FARS2: variants seen among roughly 807,000 people sequenced by gnomAD.
FARS2 encodes the protein phenylalanyl-tRNA synthetase 2, mitochondrial, also known as phenylalanine--tRNA ligase, mitochondrial.
Under a neutral mutation model 46.4 loss-of-function variants are expected in FARS2, and 40 were observed. The ratio of observed to expected loss-of-function variants is 0.86; its 90% CI spans 0.67 to 1.12. FARS2 has a LOEUF of 1.12. Ranked by LOEUF, FARS2 falls within the 50% of genes most tolerant of loss-of-function variation. FARS2 has a pLI of 0.00. For missense variants in FARS2, 513 were observed against 567.9 expected (o/e 0.90, Z 0.98); for synonymous variants, 234 against 214.9 (o/e 1.09, Z -0.78).
intron 4 of FARS2, among the ~76,000 whole-genome samples, chr6:5,460,800 T>TTAAG (rs1239007735): frequency 6.6e-6 from 1 of 152,156 alleles, no homozygotes; most frequent in Admixed American, 6.5e-5. Context: ...TTCTCAAGTC[T>TTAAG]TACTTGAGTA....
At chr6:5,636,352 C>A (rs1435096017) in intron 6 of FARS2, among the ~76,000 whole-genome samples, 1 of 152,202 alleles carries the variant, frequency 6.6e-6, no homozygotes, top group African/African-American at 2.4e-5. Flanking sequence ...ACCCAGCTCC[C>A]GGTGATTCCC....
intron 6 of FARS2, among the ~76,000 whole-genome samples, chr6:5,667,049 C>T (rs753624791): frequency 6.6e-5 from 10 of 151,862 alleles, no homozygotes; most frequent in African/African-American, 2.4e-4. Context: ...TGGGGCCTAT[C>T]GGAGGGTGGA....
chr6:5,743,817 CAA>C (rs1180283394), intron 6 of FARS2, among the ~76,000 whole-genome samples: 1 of 152,224 alleles, frequency 6.6e-6, no homozygotes, highest in Non-Finnish European at 1.5e-5. Context: ...AAGTTAAAAA[CAA>C]AGGTATTCTA....
intron 6 of FARS2, among the ~76,000 whole-genome samples, chr6:5,722,086 T>C (rs1485466652): frequency 6.6e-6 from 1 of 152,216 alleles, no homozygotes; most frequent in Non-Finnish European, 1.5e-5. Flanking sequence ...AAACAAATTG[T>C]TGTTTTTTTC....
At chr6:5,352,887 A>G (rs1757663621) in intron 1 of FARS2, among the ~76,000 whole-genome samples, 2 of 152,162 alleles carry the variant, frequency 1.3e-5, no homozygotes, top group Non-Finnish European at 2.9e-5. Flanking sequence ...CATTTCTGTC[A>G]TCTCACACAT....
chr6:5,521,954 T>C (rs1769166506), intron 4 of FARS2, among the ~76,000 whole-genome samples: 1 of 152,178 alleles, frequency 6.6e-6, no homozygotes, highest in African/African-American at 2.4e-5. Context: ...AAGGATAAAA[T>C]GTCATTGACC....
chr6:5,450,810 T>A (rs1430661762), intron 4 of FARS2, among the ~76,000 whole-genome samples: 2 of 151,976 alleles, frequency 1.3e-5, no homozygotes, highest in Non-Finnish European at 2.9e-5. Flanking sequence ...CTCCAGGGTT[T>A]CCCTCCTCCA....
chr6:5,303,868 T>C (rs1325829210), intron 1 of FARS2, among the ~76,000 whole-genome samples: 1 of 151,938 alleles, frequency 6.6e-6, no homozygotes, highest in Non-Finnish European at 1.5e-5. Context: ...TTGACTGGGG[T>C]TAGCAGATGG....
At position 5,428,912 on chromosome 6, in the gene FARS2, C is replaced by G. The variant is rs189701716; in HGVS notation, c.773-2129C>G. On this transcript the variant is annotated intron_variant, in intron 3 of 6. Transcript: ENST00000274680. ...GATCTCGGCAATAAAAAGGAATGAA[C>G]TATTGATAGGTGCAACAACACAGGT... 5.8e-4 allele frequency among the ~76,000 whole-genome samples: 88 copies of G among 152,136 alleles called. 1 individual carries two copies. Among genetic ancestry groups the G allele is most frequent in the African/African-American group, 2.0e-3 (85 of 41,504 alleles).
chr6:5,529,782 G>A (rs1769707354), intron 4 of FARS2, among the ~76,000 whole-genome samples: 1 of 152,110 alleles, frequency 6.6e-6, no homozygotes, highest in African/African-American at 2.4e-5. Flanking sequence ...TGGCCCATCA[G>A]GGGAGTAGCA....
chr6:5,710,829 A>G (rs1759099277), intron 6 of FARS2, among the ~76,000 whole-genome samples: 1 of 152,230 alleles, frequency 6.6e-6, no homozygotes, highest in Non-Finnish European at 1.5e-5. Flanking sequence ...AAGGACAGGC[A>G]GAAAAATCTC....
chr6:5,718,402 A>C (rs1348827483), intron 6 of FARS2, among the ~76,000 whole-genome samples: 1 of 152,234 alleles, frequency 6.6e-6, no homozygotes, highest in Non-Finnish European at 1.5e-5. Context: ...TAAATGAATC[A>C]GGTACTTGTT....
intron 1 of FARS2, among the ~76,000 whole-genome samples, chr6:5,358,326 T>C (rs1758068658): frequency 6.6e-6 from 1 of 152,170 alleles, no homozygotes; most frequent in African/African-American, 2.4e-5. Context: ...GTAAGATTAT[T>C]ATAAAATTCT....
chr6:5,729,357 A>G (rs1760479829), intron 6 of FARS2, among the ~76,000 whole-genome samples: 1 of 152,176 alleles, frequency 6.6e-6, no homozygotes. Context: ...TCCCACGGGC[A>G]CAGCAGAGGC....
chr6:5,717,931 T>TAGAGAGAGAGAGAG lies in FARS2; in HGVS notation c.1218-53359_1218-53358insGAGAGAGAGAGAGA, dbSNP rs1175182131. Among the ~76,000 whole-genome samples the TAGAGAGAGAGAGAG allele has an allele frequency of 5.9e-5, 7 of 118,518 alleles. 1 individual carries two copies. The highest frequency in any genetic ancestry group is 1.8e-4 in the African/African-American group (4 of 22,000). 77.8% of individuals were successfully genotyped at this position (118,518 alleles called of 152,430 possible). ...AGCTATATATATATATATATATATA[T>TAGAGAGAGAGAGAG]ATATACAGAGTCTCACTCTGTCGCC... On this transcript the variant is annotated intron_variant, in intron 6 of 6. Transcript: ENST00000274680.
chr6:5,608,740 G>A (rs1248827648), intron 5 of FARS2, among the ~76,000 whole-genome samples: 1 of 151,998 alleles, frequency 6.6e-6, no homozygotes, highest in Non-Finnish European at 1.5e-5. Context: ...CCTACACCAA[G>A]GTTTCTGAAG....
intron 6 of FARS2, 25 bp downstream of exon 6, chr6:5,613,345 AC>A: frequency 6.2e-7 from 1 of 1,601,908 alleles, no homozygotes; most frequent in Non-Finnish European, 8.5e-7. Flanking sequence ...TTCTGATTTT[AC>A]CCTTGACTAT....
At chr6:5,703,412 G>A (rs1197047257) in intron 6 of FARS2, among the ~76,000 whole-genome samples, 2 of 151,990 alleles carry the variant, frequency 1.3e-5, no homozygotes, top group South Asian at 2.1e-4. Context: ...CTAACTAGTG[G>A]GTCTGCTGGC....
intron 6 of FARS2, among the ~76,000 whole-genome samples, chr6:5,678,817 A>G (rs1334495567): frequency 1.3e-5 from 2 of 152,298 alleles, no homozygotes; most frequent in East Asian, 1.9e-4. Context: ...TTCATTTTCT[A>G]TTTTAAGCCC....
Sources: gnomAD v4.1 joint callset for allele counts (sites outside exome capture counted in the v4.1 genomes callset) on GRCh38, gnomAD v4.1.1 for gene constraint, MANE v1.5 for transcripts, NCBI Gene and HGNC (gene_info 2026-07-23, HGNC 2026-07-21) for gene names.